Variants in CEP57L1 observed in about 807,000 individuals in gnomAD.
CEP57L1 encodes centrosomal protein 57 like 1, also known as centrosomal protein CEP57L1.
Under a neutral mutation model 61.0 loss-of-function variants are expected in CEP57L1, and 37 were observed. The observed-to-expected ratio is 0.61, with a 90% confidence interval of 0.47 to 0.80. The LOEUF (loss-of-function observed/expected upper bound fraction) is 0.80, where lower values mean the gene tolerates loss of function less well. Among genes scored for constraint, CEP57L1 ranks in the 30% least tolerant of loss-of-function variants. CEP57L1 has a pLI of 0.00. For missense variants in CEP57L1, 422 were observed against 524.7 expected (o/e 0.80, Z 1.91); for synonymous variants, 137 against 162.3 (o/e 0.84, Z 1.19).
intron 1 of CEP57L1, among the ~76,000 whole-genome samples, chr6:109,142,856 T>C (rs186198053): frequency 6.6e-6 from 1 of 152,246 alleles, no homozygotes; most frequent in Non-Finnish European, 1.5e-5. Context: ...ATATTTCTCA[T>C]ATGTGCCCAT....
In CEP57L1 at chr6:109,170,744, A is replaced by G. The variant is rs114700814; in HGVS notation, c.*7774A>G. ...TACAATTTCTAGCAAAAGTATCTTT[A>G]ATATCTTACAAAATATTTTCAGAGA... On this transcript the variant is annotated 3_prime_UTR_variant, in exon 11 of 11. Transcript: ENST00000517392. 7.5e-3 allele frequency among the ~76,000 whole-genome samples: 1,147 copies of G among 152,312 alleles called. 18 individuals carry two copies. The highest frequency in any genetic ancestry group is 0.026 in the African/African-American group (1,098 of 41,566).
At chr6:109,095,708 T>TG (rs1488659676) in intron 1 of CEP57L1, 133 bp downstream of exon 1, 1 of 431,070 alleles carries the variant, frequency 2.3e-6, no homozygotes, top group Non-Finnish European at 3.1e-6. Context: ...GTGACTTGCG[T>TG]GGGAAGGACT....
chr6:109,158,555 T>C (rs983692480), intron 7 of CEP57L1: 5 of 441,688 alleles, frequency 1.1e-5, no homozygotes, highest in South Asian at 4.9e-5. Flanking sequence ...GCTATGAACA[T>C]TTGTGTACAG....
rs199499971 is a variant in CEP57L1, at chr6:109,101,616, C to CTTTTTTTTTTTTTT, written c.-4+6047_-4+6048insTTTTTTTTTTTTTT. On this transcript the variant is annotated intron_variant, in intron 1 of 10. Transcript: ENST00000517392. Reference sequence around the variant, plus strand: ...GAAACTCACAGCTGTTTTTCTTTTTCTTTTTTCTTTTTTTTTTTTTTTGAG... The same window carrying CTTTTTTTTTTTTTT: ...GAAACTCACAGCTGTTTTTCTTTTTCTTTTTTTTTTTTTTTTTTTTCTTTTTTTTTTTTTTTGAG... Among the ~76,000 whole-genome samples the CTTTTTTTTTTTTTT allele has an allele frequency of 5.5e-5, 7 of 126,524 alleles. 1 individual carries two copies. The highest frequency in any genetic ancestry group is 3.0e-4 in the South Asian group (1 of 3,384). The allele number at this position is 126,524 out of a possible 152,430, so 83.0% of individuals were successfully genotyped here.
intron 2 of CEP57L1, 82 bp downstream of exon 2, chr6:109,145,463 G>GTATTC: frequency 1.1e-6 from 1 of 936,356 alleles, no homozygotes; most frequent in Non-Finnish European, 1.5e-6. Context: ...CAATATGATT[G>GTATTC]CATATTTAAT....
chr6:109,127,020 G>A (rs896989892), intron 1 of CEP57L1, among the ~76,000 whole-genome samples: 1 of 152,100 alleles, frequency 6.6e-6, no homozygotes, highest in Non-Finnish European at 1.5e-5. Flanking sequence ...ACAAAAATTA[G>A]CTGGGCACGG....
chr6:109,153,926 A>T lies in CEP57L1; in HGVS notation c.556A>T (p.Thr186Ser), dbSNP rs760014380. The change falls in exon 5 of 11, where the codon ACA becomes TCA. Residue 186 changes from threonine (T) to serine (S), a missense_variant. Transcript: ENST00000517392. The part of the protein sequence containing the change: ...DVLEKECFRL[T>S]TTQKTAEDKI... ...CTTAGAAAAAGAGTGTTTCAGACTTACAACAACTCAGAAAACTGCTGAGGT... is the reference window on the plus strand; with the variant it reads ...CTTAGAAAAAGAGTGTTTCAGACTTTCAACAACTCAGAAAACTGCTGAGGT... 1.2e-6 allele frequency: 2 copies of T among 1,602,024 alleles called. No individual in the cohort carries two copies. The highest frequency in any genetic ancestry group is 2.7e-5 in the African/African-American group (2 of 74,440).
chr6:109,120,912 G>T (rs77146632), intron 1 of CEP57L1, among the ~76,000 whole-genome samples: 2 of 133,482 alleles, frequency 1.5e-5, no homozygotes, highest in Non-Finnish European at 3.3e-5. Flanking sequence ...TTAGACACAC[G>T]CACACACACA....
At chr6:109,116,434 C>A (rs1772315271) in intron 1 of CEP57L1, among the ~76,000 whole-genome samples, 1 of 152,104 alleles carries the variant, frequency 6.6e-6, no homozygotes, top group Non-Finnish European at 1.5e-5. Flanking sequence ...AACTTGGCCT[C>A]CCAAAGTGCT....
intron 1 of CEP57L1, among the ~76,000 whole-genome samples, chr6:109,115,358 A>G (rs1334755538): frequency 1.3e-5 from 2 of 152,022 alleles, no homozygotes; most frequent in Non-Finnish European, 2.9e-5. Flanking sequence ...TGTAGGGAAA[A>G]CAATTCTAGT....
intron 1 of CEP57L1, among the ~76,000 whole-genome samples, chr6:109,112,460 C>T (rs565912999): frequency 3.3e-5 from 5 of 152,092 alleles, no homozygotes; most frequent in Admixed American, 1.3e-4. Flanking sequence ...TTCAAAAAAC[C>T]GGCTCCTGGA....
intron 2 of CEP57L1, among the ~76,000 whole-genome samples, chr6:109,145,903 C>T (rs1407306707): frequency 6.6e-6 from 1 of 151,840 alleles, no homozygotes; most frequent in Non-Finnish European, 1.5e-5. Flanking sequence ...ATATTTTAAG[C>T]TGTGCAAATT....
rs919140475 is a variant in CEP57L1 at position 109,120,329 on chromosome 6, A to G, written c.-4+24754A>G. On this transcript the variant is annotated intron_variant, in intron 1 of 10. Coordinates refer to ENST00000517392, the MANE Select transcript of CEP57L1 (RefSeq NM_001271852.3). Reference sequence around the variant, plus strand: ...TGAAGGTAACATTTCTAGAGGGACAAGATTGCCATATTCTAGAATCTGATG... The same window carrying G: ...TGAAGGTAACATTTCTAGAGGGACAGGATTGCCATATTCTAGAATCTGATG... 1.2e-4 allele frequency among the ~76,000 whole-genome samples: 18 copies of G among 152,232 alleles called. 1 individual carries two copies. Among genetic ancestry groups the G allele is most frequent in the Non-Finnish European group, 7.3e-5 (5 of 68,044 alleles).
intron 3 of CEP57L1, among the ~76,000 whole-genome samples, chr6:109,148,783 G>C (rs1332884192): frequency 6.6e-6 from 1 of 152,164 alleles, no homozygotes; most frequent in Non-Finnish European, 1.5e-5. Flanking sequence ...AGCACCTGTT[G>C]TTTCCTGACT....
Position 109,120,446 on chromosome 6 carries a change from CT to C in CEP57L1, c.-3-24772del, listed in dbSNP as rs369124149. On this transcript the variant is annotated intron_variant, in intron 1 of 10. Transcript: ENST00000517392. ...AGGTCTATAAATAATTGTTTTCTTT[CT>C]GTTCTCAAGAACTGTTGAAGATGAT... 3.4e-3 allele frequency among the ~76,000 whole-genome samples: 517 copies of C among 152,254 alleles called. 1 individual carries two copies. The highest frequency in any genetic ancestry group is 0.01 in the African/African-American group (417 of 41,552).
At chr6:109,144,361 T>C (rs1771739352) in intron 1 of CEP57L1, among the ~76,000 whole-genome samples, 2 of 152,180 alleles carry the variant, frequency 1.3e-5, no homozygotes, top group African/African-American at 4.8e-5. Context: ...GATTTCCATT[T>C]TGAAGCAAGC....
intron 1 of CEP57L1, among the ~76,000 whole-genome samples, chr6:109,143,664 T>C (rs1771659078): frequency 6.6e-6 from 1 of 152,138 alleles, no homozygotes; most frequent in Non-Finnish European, 1.5e-5. Context: ...ATTAAAAACC[T>C]CAAATTTGGA....
intron 3 of CEP57L1, among the ~76,000 whole-genome samples, chr6:109,148,176 G>C (rs866396399): frequency 7.2e-5 from 11 of 152,004 alleles, no homozygotes; most frequent in Middle Eastern, 3.4e-3. Flanking sequence ...GTGCAGGTTA[G>C]TTACATATGT....
At chr6:109,132,081 C>T (rs1200709162) in intron 1 of CEP57L1, among the ~76,000 whole-genome samples, 4 of 152,134 alleles carry the variant, frequency 2.6e-5, no homozygotes, top group Non-Finnish European at 5.9e-5. Context: ...ATCCGATGCT[C>T]ATGTGGGTTT....
Sources: allele counts gnomAD v4.1 joint callset (sites outside exome capture counted in the v4.1 genomes callset), GRCh38; gene constraint gnomAD v4.1.1; transcripts MANE v1.5; gene names NCBI Gene and HGNC (gene_info 2026-07-23, HGNC 2026-07-21).